The following SH3PXD2B variants were observed in gnomAD, a reference collection of about 807,000 sequenced individuals.
The protein encoded by SH3PXD2B is SH3 and PX domain-containing protein 2B.
A neutral mutation model predicts 73.1 loss-of-function variants in SH3PXD2B; 37 were observed. That is an observed-to-expected ratio of 0.51 (90% confidence interval 0.39 to 0.67). SH3PXD2B has a LOEUF of 0.67. Ranked by LOEUF, SH3PXD2B falls within the 30% of genes least tolerant of loss-of-function variation. SH3PXD2B has a pLI of 0.00. For missense variants in SH3PXD2B, 1,053 were observed against 1,197.8 expected (o/e 0.88, Z 1.78); for synonymous variants, 457 against 480.5 (o/e 0.95, Z 0.64).
intron 6 of SH3PXD2B, among the ~76,000 whole-genome samples, chr5:172,363,428 CAG>C (rs1046773030): frequency 1.3e-5 from 2 of 152,018 alleles, no homozygotes; most frequent in Admixed American, 6.6e-5. Flanking sequence ...AATCTAGTCA[CAG>C]AGAGAGACAT....
intron 2 of SH3PXD2B, among the ~76,000 whole-genome samples, chr5:172,409,729 T>C (rs906284349): frequency 6.6e-6 from 1 of 152,210 alleles, no homozygotes; most frequent in African/African-American, 2.4e-5. Flanking sequence ...CTTTTCTTTA[T>C]TTTGAGACAG....
At chr5:172,369,257 A>AT (rs1757648863) in intron 6 of SH3PXD2B, among the ~76,000 whole-genome samples, 1 of 149,758 alleles carries the variant, frequency 6.7e-6, no homozygotes, top group Non-Finnish European at 1.5e-5. Context: ...TTTTTTAAAT[A>AT]TTTTTTAAGA....
At chr5:172,452,401 T>C (rs1163990605) in intron 1 of SH3PXD2B, among the ~76,000 whole-genome samples, 4 of 152,154 alleles carry the variant, frequency 2.6e-5, no homozygotes, top group Non-Finnish European at 5.9e-5. Flanking sequence ...ATAAGAGAGA[T>C]TTCCCAGTTT....
In SH3PXD2B at chr5:172,421,999, AT is replaced by A. The variant is rs113159124; in HGVS notation, c.156+416del. Among the ~76,000 whole-genome samples the A allele has an allele frequency of 2.0e-4, 29 of 148,118 alleles. No homozygotes were observed. The highest frequency in any genetic ancestry group is 3.5e-3 in the Middle Eastern group (1 of 284). ...TTGTGTCTCAAAAGTAATGGATGTC[AT>A]TTTTTTTTTTTGAGATGGAGTTTTG... On this transcript the variant is annotated intron_variant, in intron 2 of 12. Transcript: ENST00000311601. The surrounding 1 kb of genome is among the most constrained non-coding windows in gnomAD (Gnocchi z 4.0).
intron 7 of SH3PXD2B, among the ~76,000 whole-genome samples, chr5:172,362,156 T>G (rs1241048649): frequency 3.3e-5 from 5 of 152,194 alleles, no homozygotes; most frequent in Non-Finnish European, 7.3e-5. Flanking sequence ...CAATCACTCT[T>G]AAGAGCAGAA....
chr5:172,442,429 A>G (rs2113508243), intron 1 of SH3PXD2B, among the ~76,000 whole-genome samples: 1 of 152,246 alleles, frequency 6.6e-6, no homozygotes, highest in Non-Finnish European at 1.5e-5. Flanking sequence ...TGGACAAACC[A>G]CTTTTAAAGA....
rs1354687839 is a variant in SH3PXD2B, at chr5:172,368,630, A to C, written c.427+5160T>G. Reference sequence around the variant, plus strand: ...TAATATATATGTTATATATATATATAATATATATGTTATATATATAAAATA... The same window carrying C: ...TAATATATATGTTATATATATATATCATATATATGTTATATATATAAAATA... On this transcript the variant is annotated intron_variant, in intron 6 of 12. Coordinates refer to ENST00000311601, the MANE Select transcript of SH3PXD2B (RefSeq NM_001017995.3). Among the ~76,000 whole-genome samples, 3 of 11,554 alleles carry C rather than the reference A, an allele frequency of 2.6e-4. 1 individual carries two copies. Among genetic ancestry groups the C allele is most frequent in the African/African-American group, 2.1e-3 (3 of 1,462 alleles). The allele number at this position is 11,554 out of a possible 152,430, so 7.6% of individuals were successfully genotyped here.
At position 172,334,394 on chromosome 5, in the gene SH3PXD2B, T is replaced by C; in HGVS notation, c.*3975A>G. On this transcript the variant is annotated 3_prime_UTR_variant, in exon 13 of 13. Transcript: ENST00000311601. ...GGCGCCCTGCACCCTCAGGCCTCGA[T>C]GCATGCTGCTCTACCTCTCATCAGC... 1.0e-6 allele frequency: 1 copy of C among 991,796 alleles called. No individual in the cohort carries two copies. The highest frequency in any genetic ancestry group is 1.2e-6 in the Non-Finnish European group (1 of 834,884). 61.4% of individuals were successfully genotyped at this position (991,796 alleles called of 1,614,324 possible). A position where few individuals can be genotyped will look rare whatever the true frequency, so the allele number is the denominator to read the frequency against.
At chr5:172,439,267 AAACAAAAACAAAACAAAAAAAAAAC>A (rs1561583447) in intron 1 of SH3PXD2B, among the ~76,000 whole-genome samples, 804 of 62,840 alleles carry the variant, frequency 0.013, 21 homozygotes, top group South Asian at 0.028. Flanking sequence ...AAAAAAACAA[AAACAAAAACAAAACAAAAAAAAAAC>A]CCCAAAAAAA....
At chr5:172,360,312 G>A (rs1342038693) in intron 7 of SH3PXD2B, among the ~76,000 whole-genome samples, 1 of 152,178 alleles carries the variant, frequency 6.6e-6, no homozygotes, top group East Asian at 1.9e-4. Flanking sequence ...ACAGCCTTAT[G>A]AGGTGTGTAT....
Position 172,338,698 on chromosome 5 carries a change from T to G in SH3PXD2B, c.2407A>C (p.Lys803Gln). 6.2e-7 allele frequency: 1 copy of G among 1,614,164 alleles called. No individual in the cohort carries two copies. The highest frequency in any genetic ancestry group is 8.5e-7 in the Non-Finnish European group (1 of 1,180,008). Residue 803 changes from lysine to glutamine, a missense_variant, in exon 13 of 13, where the codon AAA becomes CAA. Lys to Gln is a moderately conservative substitution (Grantham distance 53). Around this residue, in one of 2 missense-constraint regions of SH3PXD2B, gnomAD observed 587 missense variants for 590.7 expected, o/e 0.99. Transcript: ENST00000311601. The surrounding 1 kb of genome is among the most constrained non-coding windows in gnomAD (Gnocchi z 5.1). Reference sequence around the variant, plus strand: ...GAGTTGGAGAGAAAAGGTTTGGCTTTTGGAGGGACGAGGAGAGCACGGCCT... The same window carrying G: ...GAGTTGGAGAGAAAAGGTTTGGCTTGTGGAGGGACGAGGAGAGCACGGCCT... Reference protein sequence around the residue: ...TPGRALLVPPKAKPFLSNSLG... With the variant: ...TPGRALLVPPQAKPFLSNSLG...
intron 6 of SH3PXD2B, among the ~76,000 whole-genome samples, chr5:172,371,658 T>G (rs1757708111): frequency 6.6e-6 from 1 of 151,616 alleles, no homozygotes; most frequent in Admixed American, 6.6e-5. Context: ...TTCAGGTGAA[T>G]GACGTAACAG....
At position 172,337,299 on chromosome 5, in the gene SH3PXD2B, T is replaced by C. The variant is rs957697532; in HGVS notation, c.*1070A>G. ...ACTTAGCCAGCTTCTATCTCTTCCC[T>C]GCCTGGTTTGTCTTTTACAGAGGGG... On this transcript the variant is annotated 3_prime_UTR_variant, in exon 13 of 13. Transcript: ENST00000311601. 4 of 985,526 alleles carry C rather than the reference T, an allele frequency of 4.1e-6. No homozygotes were observed. The African/African-American group carries it at 7.0e-5, about 17-fold the overall frequency. 61.0% of individuals were successfully genotyped at this position (985,526 alleles called of 1,614,324 possible). A position where few individuals can be genotyped will look rare whatever the true frequency, so the allele number is the denominator to read the frequency against.
chr5:172,397,474 G>C (rs984926125), intron 3 of SH3PXD2B, among the ~76,000 whole-genome samples: 5 of 152,124 alleles, frequency 3.3e-5, no homozygotes, highest in African/African-American at 2.4e-5. Context: ...CTCCCCTTTT[G>C]AAAATCACTA....
intron 2 of SH3PXD2B, among the ~76,000 whole-genome samples, chr5:172,409,697 A>T (rs1053873776): frequency 6.6e-6 from 1 of 151,912 alleles, no homozygotes; most frequent in Non-Finnish European, 1.5e-5. Context: ...TGCATACCAC[A>T]TTTTCTTTTT....
intron 1 of SH3PXD2B, among the ~76,000 whole-genome samples, chr5:172,427,614 G>A (rs1355483785): frequency 6.6e-6 from 1 of 152,102 alleles, no homozygotes; most frequent in African/African-American, 2.4e-5. Flanking sequence ...GTATCTCAAA[G>A]TATTGGGATT....
intron 6 of SH3PXD2B, among the ~76,000 whole-genome samples, chr5:172,363,425 TCA>T (rs916417899): frequency 2.0e-5 from 3 of 152,112 alleles, no homozygotes; most frequent in African/African-American, 7.2e-5. Flanking sequence ...CTCAATCTAG[TCA>T]CAGAGAGAGA....
At chr5:172,352,973 C>G (rs1332013882) in intron 9 of SH3PXD2B, among the ~76,000 whole-genome samples, 1 of 152,096 alleles carries the variant, frequency 6.6e-6, no homozygotes, top group Admixed American at 6.5e-5. Context: ...GGCTGAGGAG[C>G]CCCTCTTCTG....
intron 6 of SH3PXD2B, among the ~76,000 whole-genome samples, chr5:172,366,922 G>A (rs1218393376): frequency 3.2e-4 from 40 of 124,004 alleles, no homozygotes; most frequent in Non-Finnish European, 5.1e-4. Flanking sequence ...GTGAGCCATC[G>A]TGCCCGGCCA....
Sources: allele counts gnomAD v4.1 joint callset (sites outside exome capture counted in the v4.1 genomes callset), GRCh38; gene constraint gnomAD v4.1.1; regional missense constraint gnomAD v4.1.1; non-coding constraint Gnocchi (gnomAD v3.1); transcripts MANE v1.5; gene names NCBI Gene and HGNC (gene_info 2026-07-23, HGNC 2026-07-21).